Variants in MYRF observed in about 807,000 individuals in gnomAD.
The protein encoded by MYRF is myelin gene regulatory factor.
MYRF carries 16 observed loss-of-function variants against 126.3 expected under a neutral mutation model. The observed-to-expected ratio is 0.13, with a 90% confidence interval of 0.09 to 0.19. MYRF has a LOEUF of 0.19. MYRF is among the 10% of genes least tolerant of loss of function. The pLI is 1.00. For synonymous variants in MYRF, 608 were observed against 635.3 expected (o/e 0.96, Z 0.65); for missense variants, 1,104 against 1,547.0 (o/e 0.71, Z 4.80).
intron 3 of MYRF, 161 bp downstream of exon 3, chr11:61,766,382 T>G: frequency 1.4e-6 from 1 of 719,066 alleles, no homozygotes. Context: ...TGAGTCCAGG[T>G]CAAGGGGGGA....
At chr11:61,771,350 GCAAAGCC>G in intron 5 of MYRF, 143 bp from the exon 6 acceptor site, 1 of 1,060,430 alleles carries the variant, frequency 9.4e-7, no homozygotes, top group South Asian at 1.7e-5. Flanking sequence ...GTAGGAGGAG[GCAAAGCC>G]TGAGGGCTTC....
intron 1 of MYRF, among the ~76,000 whole-genome samples, chr11:61,762,663 G>A (rs1310961797): frequency 6.6e-6 from 1 of 152,198 alleles, no homozygotes; most frequent in Non-Finnish European, 1.5e-5. Context: ...TGGAAAGTCT[G>A]TTAGAAATCT....
chr11:61,773,665 G>A (rs2066287694), intron 7 of MYRF, among the ~76,000 whole-genome samples: 1 of 152,180 alleles, frequency 6.6e-6, no homozygotes, highest in Admixed American at 6.5e-5. Context: ...CCCCCACTCA[G>A]GAGTTCCCTC....
At chr11:61,781,359 G>T in intron 21 of MYRF, 30 bp downstream of exon 21, 1 of 1,609,952 alleles carries the variant, frequency 6.2e-7, no homozygotes, top group Admixed American at 1.7e-5. Flanking sequence ...GGGGCTTGGG[G>T]CGGGGGCTAC....
Position 61,777,813 on chromosome 11 carries a change from G to T in MYRF, c.1871G>T (p.Ser624Ile). The change falls in exon 13 of 27, where the codon AGC (serine) becomes ATC (isoleucine). Residue 624 changes from serine (S) to isoleucine (I), a missense_variant. Ser to Ile is a moderately radical substitution (Grantham distance 142, BLOSUM62 -2). This residue lies in a region of MYRF where 123 missense variants were observed against 209.1 expected (regional missense o/e 0.59). Transcript: ENST00000278836. The surrounding 1 kb of genome is among the most constrained non-coding windows in gnomAD (Gnocchi z 8.8). ...AGATACAAGCCCGAGTTCGCCGCCA[G>T]CGCGGGCATCGAGGCCACCGCGCCA... ...HYRYKPEFAA[S>I]AGIEATAPET... The T allele has an allele frequency of 6.4e-7, 1 of 1,552,422 alleles. No homozygotes were observed. Among genetic ancestry groups the T allele is most frequent in the Non-Finnish European group, 8.7e-7 (1 of 1,147,610 alleles).
chr11:61,780,570 G>A (rs1380139338), intron 18 of MYRF, 142 bp from the exon 19 acceptor site: 8 of 849,568 alleles, frequency 9.4e-6, no homozygotes, highest in Non-Finnish European at 1.5e-5. Flanking sequence ...TGGAACATGG[G>A]GTAGGAGGAA....
chr11:61,770,428 C>A lies in MYRF; in HGVS notation c.643C>A (p.His215Asn), dbSNP rs1473477373. Residue 215 changes from histidine to asparagine, a missense_variant, in exon 5 of 27, where the codon CAC becomes AAC. His to Asn is a moderately conservative substitution (Grantham distance 68). Transcript: ENST00000278836. ...LYMKAEPPIP[H>N]YAAMGQGLVP... ...CATGAAGGCCGAGCCCCCGATCCCC[C>A]ACTACGCTGCCATGGGGCAGGGGCT... The A allele has an allele frequency of 6.4e-7, 1 of 1,557,482 alleles. No homozygotes were observed. The highest frequency in any genetic ancestry group is 8.7e-7 in the Non-Finnish European group (1 of 1,150,176).
Position 61,781,782 on chromosome 11 carries a change from A to C in MYRF, c.2974A>C (p.Ser992Arg). The change falls in exon 22 of 27, where the codon AGC becomes CGC. Residue 992 changes from serine to arginine, a missense_variant. By Grantham distance (110) the Ser-to-Arg change is moderately radical. This residue lies in a region of MYRF where 323 missense variants were observed against 383.1 expected (regional missense o/e 0.84). Coordinates refer to ENST00000278836, the MANE Select transcript of MYRF (RefSeq NM_001127392.3). ...GRARRGALQS[S>R]VGPAEPTWAQ... is the part of the protein sequence containing the mutation. Reference sequence around the variant, plus strand: ...GGCCCGCCGAGGGGCCCTCCAGTCCAGCGTGGGCCCTGCTGAGCCCACCTG... The same window carrying C: ...GGCCCGCCGAGGGGCCCTCCAGTCCCGCGTGGGCCCTGCTGAGCCCACCTG... The C allele has an allele frequency of 6.2e-7, 1 of 1,604,270 alleles. No individual in the cohort carries two copies. The highest frequency in any genetic ancestry group is 1.3e-5 in the African/African-American group (1 of 74,608).
intron 1 of MYRF, among the ~76,000 whole-genome samples, chr11:61,762,278 C>T (rs2065920018): frequency 6.6e-6 from 1 of 152,038 alleles, no homozygotes; most frequent in Non-Finnish European, 1.5e-5. Flanking sequence ...CTTGGACTGC[C>T]AGAGGGCTCC....
chr11:61,761,263 G>GGA lies in MYRF; in HGVS notation c.47-4361_47-4360insAG, dbSNP rs543320536. On this transcript the variant is annotated intron_variant, in intron 1 of 26. Coordinates refer to ENST00000278836, the MANE Select transcript of MYRF (RefSeq NM_001127392.3). ...TCAGCCAACGGCCACAGCTGGTGGG[G>GGA]GGGGGGGCACATAAGCACAAGGAGG... Among the ~76,000 whole-genome samples the GGA allele has an allele frequency of 1.9e-4, 29 of 151,664 alleles. 1 individual carries two copies. The highest frequency in any genetic ancestry group is 3.7e-4 in the Non-Finnish European group (25 of 67,836).
At chr11:61,775,709 A>AGT (rs150705882) in intron 8 of MYRF, among the ~76,000 whole-genome samples, 1 of 140,988 alleles carries the variant, frequency 7.1e-6, no homozygotes, top group Non-Finnish European at 1.5e-5. Context: ...TGGGGCTGTG[A>AGT]GTGTGTGTGT....
chr11:61,776,900 G>C lies in MYRF; in HGVS notation c.1590+23G>C. On this transcript the variant is annotated intron_variant, in intron 11 of 26. Transcript: ENST00000278836. This position sits in a 1 kb window ranked among gnomAD's most constrained non-coding sequence, Gnocchi z 4.3. ...CGGGTGAGGGCCACCTCCTCCCAGG[G>C]CGTAGACAGCCCTCCCCAGGACTGG... The C allele has an allele frequency of 6.4e-7, 1 of 1,567,844 alleles. No individual in the cohort carries two copies. The highest frequency in any genetic ancestry group is 8.6e-7 in the Non-Finnish European group (1 of 1,156,548).
chr11:61,780,846 C>T (rs866969484), intron 19 of MYRF, 54 bp downstream of exon 19: 2 of 1,561,172 alleles, frequency 1.3e-6, no homozygotes, highest in African/African-American at 1.4e-5. Context: ...CTCTTCCTGC[C>T]TCCCTCCCCT....
chr11:61,771,576 G>C lies in MYRF; in HGVS notation c.817G>C (p.Gly273Arg). The C allele has an allele frequency of 1.2e-6, 2 of 1,614,024 alleles. No homozygotes were observed. The highest frequency in any genetic ancestry group is 4.5e-5 in the East Asian group (2 of 44,858). Reference protein sequence around the residue: ...PSTLNAQMLNGMIKQEPGTVT... With the variant: ...PSTLNAQMLNRMIKQEPGTVT... ...CACCCTCAATGCCCAGATGCTGAAT[G>C]GAATGATCAAACAGGAGCCTGGGAC... Residue 273 changes from glycine (G) to arginine (R), a missense_variant, in exon 6 of 27, where the codon GGA becomes CGA. Gly to Arg is a moderately radical substitution (Grantham distance 125, BLOSUM62 -2). This residue lies in a region of MYRF where 368 missense variants were observed against 403.9 expected (regional missense o/e 0.91). Coordinates refer to ENST00000278836, the MANE Select transcript of MYRF (RefSeq NM_001127392.3).
At chr11:61,761,196 G>A (rs1286676768) in intron 1 of MYRF, among the ~76,000 whole-genome samples, 12 of 151,358 alleles carry the variant, frequency 7.9e-5, no homozygotes, top group Non-Finnish European at 1.3e-4. Flanking sequence ...CCACTGTGCC[G>A]TGTCCCCACC....
intron 1 of MYRF, chr11:61,753,890 C>T (rs978442521): frequency 6.6e-6 from 1 of 152,436 alleles, no homozygotes; most frequent in African/African-American, 2.4e-5. Flanking sequence ...GCCTCCCAGC[C>T]CACTCCGCTT....
intron 1 of MYRF, among the ~76,000 whole-genome samples, chr11:61,758,673 G>C (rs1417135043): frequency 6.6e-6 from 1 of 152,204 alleles, no homozygotes; most frequent in Non-Finnish European, 1.5e-5. Flanking sequence ...AGGCATGCTC[G>C]TACCTCAGGG....
At chr11:61,773,898 G>T in intron 7 of MYRF, 69 bp from the exon 8 acceptor site, 1 of 1,395,828 alleles carries the variant, frequency 7.2e-7, no homozygotes, top group South Asian at 1.3e-5. Flanking sequence ...GAACCCAGCA[G>T]GTAGGAGGAA....
In MYRF at chr11:61,785,890, C is replaced by A; in HGVS notation, c.3375+16C>A. ...GGCACTGCTGGTGAGCAGGGGCATC[C>A]CACCTACCCTGGAGGTCTGGGCACC... On this transcript the variant is annotated intron_variant, in intron 26 of 26. Transcript: ENST00000278836. 6.2e-7 allele frequency: 1 copy of A among 1,613,174 alleles called. No individual in the cohort carries two copies. Among genetic ancestry groups the A allele is most frequent in the Non-Finnish European group, 8.5e-7 (1 of 1,179,134 alleles).
Sources: gnomAD v4.1 joint callset for allele counts (sites outside exome capture counted in the v4.1 genomes callset) on GRCh38, gnomAD v4.1.1 for gene constraint, gnomAD v4.1.1 regional missense constraint, Gnocchi (gnomAD v3.1) non-coding constraint, MANE v1.5 for transcripts, NCBI Gene and HGNC (gene_info 2026-07-23, HGNC 2026-07-21) for gene names.